The following FRMD5 variants were observed in gnomAD, a reference collection of about 807,000 sequenced individuals.
The protein encoded by FRMD5 is FERM domain-containing protein 5.
A neutral mutation model predicts 69.0 loss-of-function variants in FRMD5; 20 were observed. The observed-to-expected ratio is 0.29, with a 90% confidence interval of 0.20 to 0.42. The LOEUF (loss-of-function observed/expected upper bound fraction) is 0.42. Ranked by LOEUF, FRMD5 falls within the 10% of genes least tolerant of loss-of-function variation. FRMD5 has a pLI of 1.00. For synonymous variants in FRMD5, 271 were observed against 260.1 expected (o/e 1.04, Z -0.40); for missense variants, 595 against 708.6 (o/e 0.84, Z 1.82).
At chr15:44,093,429 C>A (rs2076503791) in intron 1 of FRMD5, among the ~76,000 whole-genome samples, 1 of 151,922 alleles carries the variant, frequency 6.6e-6, no homozygotes, top group South Asian at 2.1e-4. Flanking sequence ...ATGAGCACTT[C>A]TCCTGAAGAG....
intron 1 of FRMD5, among the ~76,000 whole-genome samples, chr15:44,007,287 G>A (rs1890494634): frequency 6.6e-6 from 1 of 151,898 alleles, no homozygotes; most frequent in Non-Finnish European, 1.5e-5. Flanking sequence ...ACTTTTATAT[G>A]CACTGGGAAA....
intron 1 of FRMD5, among the ~76,000 whole-genome samples, chr15:43,976,618 T>C (rs1326099153): frequency 2.6e-5 from 4 of 152,200 alleles, no homozygotes; most frequent in African/African-American, 9.6e-5. Context: ...CAGTCAGGAA[T>C]CTGGCTGAGA....
At chr15:44,139,026 T>C (rs1328938340) in intron 1 of FRMD5, among the ~76,000 whole-genome samples, 1 of 152,020 alleles carries the variant, frequency 6.6e-6, no homozygotes, top group African/African-American at 2.4e-5. Context: ...GGGACAAAAG[T>C]GTTGTAAAAT....
intron 1 of FRMD5, among the ~76,000 whole-genome samples, chr15:43,944,912 T>G (rs2089918982): frequency 6.6e-6 from 1 of 151,928 alleles, no homozygotes; most frequent in African/African-American, 2.4e-5. Context: ...GTGGCCTCTG[T>G]GGGTTTGATA....
At chr15:44,141,362 G>C (rs757901553) in intron 1 of FRMD5, among the ~76,000 whole-genome samples, 4 of 152,072 alleles carry the variant, frequency 2.6e-5, no homozygotes, top group Non-Finnish European at 5.9e-5. Context: ...ACTAGCCCAG[G>C]GGTAGACAAA....
At chr15:43,962,085 C>T (rs1411072133) in intron 1 of FRMD5, among the ~76,000 whole-genome samples, 9 of 151,982 alleles carry the variant, frequency 5.9e-5, no homozygotes, top group Non-Finnish European at 8.8e-5. Flanking sequence ...AAATAAAGGG[C>T]ATTCAATTAG....
intron 4 of FRMD5, among the ~76,000 whole-genome samples, chr15:43,912,861 T>C: frequency 1.3e-5 from 1 of 76,750 alleles, no homozygotes. Flanking sequence ...CTACTAAAAA[T>C]ACAAAAAAAA....
chr15:43,920,070 G>A (rs538076136), intron 2 of FRMD5, among the ~76,000 whole-genome samples: 17 of 152,298 alleles, frequency 1.1e-4, no homozygotes, highest in African/African-American at 4.1e-4. Context: ...TCTAAAGCAG[G>A]GTGCCAAAAT....
intron 1 of FRMD5, among the ~76,000 whole-genome samples, chr15:43,963,213 T>A (rs1193211864): frequency 2.0e-5 from 3 of 151,538 alleles, no homozygotes; most frequent in Non-Finnish European, 4.4e-5. Context: ...TTTACAAGAA[T>A]AAAACAAACA....
chr15:44,148,555 G>T (rs1448909785), intron 1 of FRMD5, among the ~76,000 whole-genome samples: 2 of 152,188 alleles, frequency 1.3e-5, no homozygotes, highest in Non-Finnish European at 2.9e-5. Flanking sequence ...ACAGGCGTGA[G>T]CCACCGTGCC....
At chr15:44,199,266 A>T (rs1369781720), upstream of FRMD5, among the ~76,000 whole-genome samples, 1 of 152,212 alleles carries the variant, frequency 6.6e-6, no homozygotes, top group Non-Finnish European at 1.5e-5. Context: ...CTGAAGTGTA[A>T]CTTGGACGTA....
At chr15:44,034,104 G>A (rs923682712) in intron 1 of FRMD5, among the ~76,000 whole-genome samples, 4 of 152,180 alleles carry the variant, frequency 2.6e-5, no homozygotes, top group Non-Finnish European at 5.9e-5. Flanking sequence ...CTGCTGAGTG[G>A]AAACTGTTAC....
At chr15:44,069,033 A>G (rs1893422692) in intron 1 of FRMD5, among the ~76,000 whole-genome samples, 2 of 152,204 alleles carry the variant, frequency 1.3e-5, no homozygotes, top group Non-Finnish European at 2.9e-5. Flanking sequence ...ATACAAAGAC[A>G]TTTCACCAAA....
chr15:43,968,786 C>T (rs1265719092), intron 1 of FRMD5, among the ~76,000 whole-genome samples: 1 of 152,214 alleles, frequency 6.6e-6, no homozygotes, highest in Non-Finnish European at 1.5e-5. Context: ...TGCAAAATGA[C>T]TGCTTTTGCT....
chr15:44,036,693 T>TAATAC (rs1891928139), intron 1 of FRMD5, among the ~76,000 whole-genome samples: 2 of 152,248 alleles, frequency 1.3e-5, no homozygotes, highest in African/African-American at 4.8e-5. Flanking sequence ...GTAGATTCTC[T>TAATAC]TGGATTTTTC....
Position 43,908,276 on chromosome 15 carries a change from C to T in FRMD5, c.427+1606G>A, listed in dbSNP as rs542842264. Among the ~76,000 whole-genome samples, 10 of 145,868 alleles carry T rather than the reference C, an allele frequency of 6.9e-5. No individual in the cohort carries two copies. The South Asian group carries it at 1.3e-3, about 19-fold the overall frequency. On this transcript the variant is annotated intron_variant, in intron 5 of 13. Coordinates refer to ENST00000417257, the MANE Select transcript of FRMD5 (RefSeq NM_032892.5). ...CCAGGAGGTGGAGGTTGCAGTGAGC[C>T]GAGATCACACCACTGCACTCTGGCC...
chr15:43,873,551 T>TAA lies in FRMD5; in HGVS notation c.*333_*334insTT, dbSNP rs2088222782. 7.2e-7 allele frequency: 1 copy of TAA among 1,384,930 alleles called. No individual in the cohort carries two copies. The allele number at this position is 1,384,930 out of a possible 1,614,324, so 85.8% of individuals were successfully genotyped here. ...AATCAGTAATAGTAAAATAAATTAT[T>TAA]TTTATTTGATACTTCAAAATAATAT... is the stretch of plus-strand genomic sequence containing the variant. On this transcript the variant is annotated 3_prime_UTR_variant, in exon 14 of 14. Transcript: ENST00000417257.
intron 1 of FRMD5, among the ~76,000 whole-genome samples, chr15:43,938,231 CAAAAA>C (rs775430626): frequency 1.5e-5 from 1 of 65,172 alleles, no homozygotes. Context: ...GACTCCGTCT[CAAAAA>C]AAAAAAAAAA....
intron 13 of FRMD5, among the ~76,000 whole-genome samples, chr15:43,876,803 C>A (rs1471280667): frequency 6.6e-6 from 1 of 152,100 alleles, no homozygotes; most frequent in East Asian, 1.9e-4. Flanking sequence ...GGAGCTGGGT[C>A]TAGAATAGGC....
Sources: gnomAD v4.1 joint callset for allele counts (sites outside exome capture counted in the v4.1 genomes callset) on GRCh38, gnomAD v4.1.1 for gene constraint, MANE v1.5 for transcripts, NCBI Gene and HGNC (gene_info 2026-07-23, HGNC 2026-07-21) for gene names.